SCAF8: variants seen among roughly 807,000 people sequenced by gnomAD.
SCAF8 encodes the protein SR-related CTD associated factor 8.
Under a neutral mutation model 140.5 loss-of-function variants are expected in SCAF8, and 23 were observed. That is an observed-to-expected ratio of 0.16 (90% CI 0.12 to 0.23). The LOEUF is 0.23. Ranked by LOEUF, SCAF8 falls within the 10% of genes least tolerant of loss-of-function variation. The pLI is 1.00. For synonymous variants in SCAF8, 575 were observed against 528.9 expected, an observed-to-expected ratio of 1.09 and a Z score of -1.20; for missense variants, 1,397 against 1,555.7, an observed-to-expected ratio of 0.90 and a Z score of 1.72.
chr6:154,802,945 A>G (rs993575469), intron 7 of SCAF8, among the ~76,000 whole-genome samples: 1 of 152,230 alleles, frequency 6.6e-6, no homozygotes, highest in Non-Finnish European at 1.5e-5. Context: ...TCTTTCATGT[A>G]CAATTTAGTG....
Position 154,815,820 on chromosome 6 carries a change from A to T in SCAF8, c.1521+4A>T. The T allele has an allele frequency of 6.4e-7, 1 of 1,563,994 alleles. No homozygotes were observed. The highest frequency in any genetic ancestry group is 8.8e-7 in the Non-Finnish European group (1 of 1,135,270). On this transcript the variant is annotated splice_donor_region_variant and intron_variant, in intron 13 of 19. Transcript: ENST00000367178. ...TGGACAGATTGAATCCATTAATGCA[A>T]GTATCAGTTCTTAATAATTTAAGGT...
At chr6:154,775,507 A>G (rs1231314743) in intron 2 of SCAF8, among the ~76,000 whole-genome samples, 1 of 152,204 alleles carries the variant, frequency 6.6e-6, no homozygotes, top group Admixed American at 6.5e-5. Context: ...AGGTGCAAAC[A>G]GTATTTTCTA....
intron 5 of SCAF8, among the ~76,000 whole-genome samples, chr6:154,794,182 G>C (rs1777517846): frequency 6.6e-6 from 1 of 152,006 alleles, no homozygotes; most frequent in Non-Finnish European, 1.5e-5. Context: ...CTCCTGCCTT[G>C]GGCTCTGAAA....
At chr6:154,753,810 T>C (rs1262187261) in intron 1 of SCAF8, among the ~76,000 whole-genome samples, 2 of 152,134 alleles carry the variant, frequency 1.3e-5, no homozygotes, top group African/African-American at 4.8e-5. Context: ...TTTAATAGTT[T>C]GATTTTTTTC....
intron 9 of SCAF8, 61 bp downstream of exon 9, chr6:154,805,547 T>G (rs1416761296): frequency 3.4e-6 from 3 of 895,084 alleles, no homozygotes; most frequent in Non-Finnish European, 5.0e-6. Context: ...TAAATTGGCA[T>G]TTTTGTGGGT....
At chr6:154,831,208 G>T (rs1375415747) in intron 19 of SCAF8, 68 bp downstream of exon 19, 3 of 983,534 alleles carry the variant, frequency 3.1e-6, no homozygotes, top group Non-Finnish European at 4.4e-6. Context: ...ATTCTGGGGT[G>T]GCATGCGTTT....
In SCAF8 at chr6:154,808,074, C is replaced by G. The variant is rs1777974421; in HGVS notation, c.986C>G (p.Thr329Ser). ...LLEQQQPQKA[T>S]PQDSQEGTFG... is the part of the protein sequence containing the mutation. ...GTTTGTATATGTTCTCAATAGGCCACTCCTCAGGATAGTCAGGAAGGAACC... is the reference window on the plus strand; with the variant it reads ...GTTTGTATATGTTCTCAATAGGCCAGTCCTCAGGATAGTCAGGAAGGAACC... The change falls in exon 10 of 20, where the codon ACT becomes AGT. Residue 329 changes from threonine (T) to serine (S), a missense_variant. By Grantham distance (58) the Thr-to-Ser change is moderately conservative (BLOSUM62 1). Coordinates refer to ENST00000367178, the MANE Select transcript of SCAF8 (RefSeq NM_014892.5). The G allele has an allele frequency of 6.2e-7, 1 of 1,612,092 alleles. No individual in the cohort carries two copies. Among genetic ancestry groups the G allele is most frequent in the Non-Finnish European group, 8.5e-7 (1 of 1,179,256 alleles).
intron 6 of SCAF8, 52 bp from the exon 7 acceptor site, chr6:154,801,919 T>A (rs1777782340): frequency 7.3e-7 from 1 of 1,376,634 alleles, no homozygotes; most frequent in African/African-American, 1.5e-5. Context: ...GTGGCCACTC[T>A]TACAGAAAAA....
Position 154,803,595 on chromosome 6 carries a change from C to T in SCAF8, c.835C>T (p.Pro279Ser). The T allele has an allele frequency of 1.2e-6, 2 of 1,611,630 alleles. No homozygotes were observed. Among genetic ancestry groups the T allele is most frequent in the South Asian group, 1.1e-5 (1 of 90,188 alleles). The change falls in exon 8 of 20, where the codon CCC (proline) becomes TCC (serine). Residue 279 changes from proline to serine, a missense_variant. By Grantham distance (74) the Pro-to-Ser change is moderately conservative. Coordinates refer to ENST00000367178, the MANE Select transcript of SCAF8 (RefSeq NM_014892.5). ...GGAAGACTCTGAGCATAGTGAAGAA[C>T]CCAAAAAGGAAATTCCAGCTTCACA... ...FGEDSEHSEEPKKEIPASQLS... is the reference protein window; with the variant it reads ...FGEDSEHSEESKKEIPASQLS...
chr6:154,759,502 A>T (rs759521172), intron 1 of SCAF8, among the ~76,000 whole-genome samples: 12 of 152,184 alleles, frequency 7.9e-5, no homozygotes, highest in Non-Finnish European at 1.5e-4. Flanking sequence ...GCTTAATAAT[A>T]CAAATGTTAA....
intron 1 of SCAF8, among the ~76,000 whole-genome samples, chr6:154,773,670 T>C (rs1260336582): frequency 1.3e-5 from 2 of 152,222 alleles, no homozygotes; most frequent in African/African-American, 4.8e-5. Flanking sequence ...GTGTTTAATC[T>C]TTTGAGGAAC....
chr6:154,804,031 T>A (rs1384001442), intron 8 of SCAF8, among the ~76,000 whole-genome samples: 1 of 151,954 alleles, frequency 6.6e-6, no homozygotes, highest in Non-Finnish European at 1.5e-5. Context: ...ATTGGAGTTA[T>A]GAGGATTTTT....
chr6:154,795,197 A>G lies in SCAF8; in HGVS notation c.606+58A>G. Reference sequence around the variant, plus strand: ...TTAGAATTTAATATTTTCCTAATGTATTACTTTGTAACATACCACCTAGAG... The same window carrying G: ...TTAGAATTTAATATTTTCCTAATGTGTTACTTTGTAACATACCACCTAGAG... On this transcript the variant is annotated intron_variant, in intron 6 of 19. Coordinates refer to ENST00000367178, the MANE Select transcript of SCAF8 (RefSeq NM_014892.5). The G allele has an allele frequency of 4.1e-6, 6 of 1,455,740 alleles. No homozygotes were observed. In the South Asian group the frequency reaches 6.7e-5, roughly 16 times the overall value. 90.2% of individuals were successfully genotyped at this position (1,455,740 alleles called of 1,614,324 possible).
At chr6:154,757,576 C>CTG (rs1778998283) in intron 1 of SCAF8, among the ~76,000 whole-genome samples, 1 of 152,142 alleles carries the variant, frequency 6.6e-6, no homozygotes, top group Non-Finnish European at 1.5e-5. Flanking sequence ...TCATCACATG[C>CTG]TTGGATACCT....
intron 4 of SCAF8, among the ~76,000 whole-genome samples, chr6:154,791,388 A>G (rs1777413787): frequency 6.6e-6 from 1 of 152,366 alleles, no homozygotes; most frequent in East Asian, 1.9e-4. Flanking sequence ...CCAACTAAAT[A>G]GATTTTCATA....
intron 1 of SCAF8, among the ~76,000 whole-genome samples, chr6:154,749,845 G>A (rs922721941): frequency 6.6e-6 from 1 of 152,158 alleles, no homozygotes; most frequent in Non-Finnish European, 1.5e-5. Flanking sequence ...TAGCATCTTT[G>A]TGGAGCAGGG....
In SCAF8 at chr6:154,803,547, T is replaced by C. The variant is rs374963849; in HGVS notation, c.787T>C (p.Leu263=). ...TGTTTCTCCTTCTTTCCCCCAGAAG[T>C]TGATGGATAGGTTTGATTTTGGGGA... ...LEQGVSFNKK[L]MDRFDFGEDS... Residue 263 remains leucine (L), a synonymous_variant, in exon 8 of 20, where the codon TTG becomes CTG. Transcript: ENST00000367178. The C allele has an allele frequency of 5.4e-5, 87 of 1,610,420 alleles. No homozygotes were observed. The highest frequency in any genetic ancestry group is 6.8e-6 in the Non-Finnish European group (8 of 1,177,588).
chr6:154,747,896 CTGTGTGTGTGTGTGTGTGTGTGTG>C (rs71021073), intron 1 of SCAF8, among the ~76,000 whole-genome samples: 1 of 144,736 alleles, frequency 6.9e-6, no homozygotes, highest in East Asian at 2.0e-4. Context: ...CATTTCATTT[CTGTGTGTGTGTGTGTGTGTGTGTG>C]TGTGTGTGTG....
At chr6:154,745,569 C>CGG (rs1778677895) in intron 1 of SCAF8, among the ~76,000 whole-genome samples, 2 of 151,938 alleles carry the variant, frequency 1.3e-5, no homozygotes, top group Non-Finnish European at 2.9e-5. Context: ...GAGAGGAGGT[C>CGG]GGGCTATGTT....
Sources: allele counts gnomAD v4.1 joint callset (sites outside exome capture counted in the v4.1 genomes callset), GRCh38; gene constraint gnomAD v4.1.1; transcripts MANE v1.5; gene names NCBI Gene and HGNC (gene_info 2026-07-23, HGNC 2026-07-21).